The following BCKDHB variants were observed in gnomAD, a reference collection of about 807,000 sequenced individuals.
The protein encoded by BCKDHB is branched chain keto acid dehydrogenase E1 subunit beta.
BCKDHB carries 41 observed loss-of-function variants against 48.5 expected under a neutral mutation model. That is an observed-to-expected ratio of 0.85 (90% CI 0.66 to 1.10). The LOEUF is 1.10. BCKDHB is among the 50% of genes least tolerant of loss of function. BCKDHB has a pLI of 0.00. For missense variants in BCKDHB, 496 were observed against 494.2 expected, an observed-to-expected ratio of 1.00 and a Z score of -0.03; for synonymous variants, 201 against 174.8, an observed-to-expected ratio of 1.15 and a Z score of -1.18.
intron 3 of BCKDHB, among the ~76,000 whole-genome samples, chr6:80,137,540 G>A (rs905993144): frequency 2.0e-5 from 3 of 152,012 alleles, no homozygotes; most frequent in Non-Finnish European, 4.4e-5. Context: ...GTTGACCAGT[G>A]GCTTAACAAA....
chr6:80,325,033 A>G (rs1768961402), intron 9 of BCKDHB, among the ~76,000 whole-genome samples: 1 of 152,230 alleles, frequency 6.6e-6, no homozygotes, highest in Non-Finnish European at 1.5e-5. Flanking sequence ...TTACATGTGC[A>G]AATTATGAGT....
At chr6:80,181,839 G>C (rs932067374) in intron 6 of BCKDHB, among the ~76,000 whole-genome samples, 1 of 152,162 alleles carries the variant, frequency 6.6e-6, no homozygotes, top group Non-Finnish European at 1.5e-5. Flanking sequence ...TCATATTGCA[G>C]AAGGGTGTGA....
At chr6:80,156,754 A>G (rs1481267265) in intron 3 of BCKDHB, among the ~76,000 whole-genome samples, 1 of 152,204 alleles carries the variant, frequency 6.6e-6, no homozygotes, top group Non-Finnish European at 1.5e-5. Context: ...TATTCTTTTC[A>G]TTAGAATGAT....
chr6:80,267,200 A>G (rs1298712968), intron 8 of BCKDHB, among the ~76,000 whole-genome samples: 2 of 152,070 alleles, frequency 1.3e-5, no homozygotes, highest in Non-Finnish European at 2.9e-5. Flanking sequence ...AGGATTAGAC[A>G]TATCTATACA....
intron 8 of BCKDHB, among the ~76,000 whole-genome samples, chr6:80,209,766 C>T (rs929481418): frequency 1.3e-5 from 2 of 151,896 alleles, no homozygotes; most frequent in Non-Finnish European, 2.9e-5. Flanking sequence ...ACTAATAAAA[C>T]ACTAACGTTA....
At chr6:80,208,272 T>C (rs756357180) in intron 8 of BCKDHB, among the ~76,000 whole-genome samples, 2 of 151,646 alleles carry the variant, frequency 1.3e-5, no homozygotes, top group African/African-American at 2.4e-5. Flanking sequence ...GAAAAGAAAC[T>C]GGACTGAATG....
chr6:80,412,145 C>CTT, the BCKDHB span, among the ~76,000 whole-genome samples: 23 of 92,892 alleles, frequency 2.5e-4, no homozygotes, highest in Admixed American at 2.8e-3. Flanking sequence ...TCACAGTTTA[C>CTT]ATTTTTTTTT....
chr6:80,110,085 A>G (rs1236286231), intron 1 of BCKDHB, among the ~76,000 whole-genome samples: 1 of 152,216 alleles, frequency 6.6e-6, no homozygotes, highest in Admixed American at 6.5e-5. Context: ...TACTGCTTAA[A>G]AGGAGGTAGT....
chr6:80,212,139 G>A (rs911526565), intron 8 of BCKDHB, among the ~76,000 whole-genome samples: 1 of 152,118 alleles, frequency 6.6e-6, no homozygotes, highest in East Asian at 1.9e-4. Context: ...GTCTTGATAA[G>A]CATCTTAAAC....
At chr6:80,217,216 G>A (rs932519340) in intron 8 of BCKDHB, among the ~76,000 whole-genome samples, 6 of 151,916 alleles carry the variant, frequency 3.9e-5, no homozygotes, top group Admixed American at 2.6e-4. Context: ...ACTCCAGCCT[G>A]GGCAGCAAGA....
At chr6:80,346,931 C>A (rs2128023349), downstream of BCKDHB, among the ~76,000 whole-genome samples, 1 of 142,928 alleles carries the variant, frequency 7.0e-6, no homozygotes, top group South Asian at 2.5e-4. Flanking sequence ...AAAAAGGTCT[C>A]TACCCCCATA....
intron 9 of BCKDHB, among the ~76,000 whole-genome samples, chr6:80,318,811 T>C (rs1768573248): frequency 6.6e-6 from 1 of 152,122 alleles, no homozygotes; most frequent in African/African-American, 2.4e-5. Context: ...TCATATTATG[T>C]ATTGTAAATA....
chr6:80,291,199 T>C (rs9443739), intron 9 of BCKDHB, among the ~76,000 whole-genome samples: 139,396 of 152,094 alleles, frequency 0.92, 63,965 homozygotes, highest in East Asian at 0.99. Context: ...TTGACATTTC[T>C]CCCCTCCCTT....
intron 9 of BCKDHB, among the ~76,000 whole-genome samples, chr6:80,332,718 A>AAC (rs1562235477): frequency 1.3e-5 from 2 of 151,510 alleles, no homozygotes; most frequent in Admixed American, 6.6e-5. Context: ...AAAAAAAAAA[A>AAC]AAAACACCTT....
intron 1 of BCKDHB, among the ~76,000 whole-genome samples, chr6:80,120,825 T>C (rs1266556134): frequency 6.6e-6 from 1 of 152,244 alleles, no homozygotes; most frequent in Non-Finnish European, 1.5e-5. Context: ...CCGTTCACTC[T>C]GATGATAGTT....
the BCKDHB span, among the ~76,000 whole-genome samples, chr6:80,463,475 T>G: frequency 6.6e-6 from 1 of 152,166 alleles, no homozygotes; most frequent in East Asian, 1.9e-4. Flanking sequence ...GAAACCAACA[T>G]ATGAGAGTGA....
At chr6:80,288,809 C>T (rs1395868803) in intron 9 of BCKDHB, among the ~76,000 whole-genome samples, 1 of 151,678 alleles carries the variant, frequency 6.6e-6, no homozygotes, top group African/African-American at 2.4e-5. Flanking sequence ...TGAAAATGCC[C>T]AGCCTTTTCA....
the BCKDHB span, among the ~76,000 whole-genome samples, chr6:80,452,988 C>T: frequency 6.0e-3 from 910 of 152,198 alleles, 4 homozygotes; most frequent in Middle Eastern, 0.017. Context: ...ATAAAAATCA[C>T]GTGCATTTAG....
intron 9 of BCKDHB, among the ~76,000 whole-genome samples, chr6:80,338,571 A>T (rs2223873): frequency 6.6e-6 from 1 of 152,046 alleles, no homozygotes; most frequent in Non-Finnish European, 1.5e-5. Context: ...TAGGCTTAGT[A>T]AGTGTTTAAT....
Sources: gnomAD v4.1 joint callset for allele counts (sites outside exome capture counted in the v4.1 genomes callset) on GRCh38, gnomAD v4.1.1 for gene constraint, MANE v1.5 for transcripts, NCBI Gene and HGNC (gene_info 2026-07-23, HGNC 2026-07-21) for gene names.